Variants in TNRC18 observed in about 807,000 individuals in gnomAD.
TNRC18 encodes trinucleotide repeat-containing gene 18 protein.
TNRC18 carries 69 observed loss-of-function variants against 226.7 expected under a neutral mutation model. That is an observed-to-expected ratio of 0.30 (90% CI 0.25 to 0.37). The LOEUF (loss-of-function observed/expected upper bound fraction) is 0.37, where lower values mean the gene tolerates loss of function less well. Among genes scored for constraint, TNRC18 ranks in the 10% least tolerant of loss-of-function variants. TNRC18 has a pLI of 1.00. For missense variants in TNRC18, 4,754 were observed against 4,256.6 expected (o/e 1.12, Z -3.25); for synonymous variants, 2,449 against 1,927.6 (o/e 1.27, Z -7.09).
chr7:5,306,980 G>A lies in TNRC18; in HGVS notation c.*1126C>T, dbSNP rs902407367. 3.3e-5 allele frequency: 5 copies of A among 151,432 alleles called. No homozygotes were observed. The highest frequency in any genetic ancestry group is 1.2e-4 in the African/African-American group (5 of 41,320). 9.4% of individuals were successfully genotyped at this position (151,432 alleles called of 1,614,324 possible). ...GGCCTTGGTTTCCCTTGAAGGCTTGGGGCCTGGTTAAGTGCTTTCTGGGGC... is the reference window on the plus strand; with the variant it reads ...GGCCTTGGTTTCCCTTGAAGGCTTGAGGCCTGGTTAAGTGCTTTCTGGGGC... On this transcript the variant is annotated 3_prime_UTR_variant, in exon 30 of 30. Transcript: ENST00000430969.
At chr7:5,363,868 AG>A (rs1793341701) in intron 11 of TNRC18, among the ~76,000 whole-genome samples, 2 of 149,798 alleles carry the variant, frequency 1.3e-5, no homozygotes, top group Admixed American at 6.7e-5. Context: ...TAAAAAAAAA[AG>A]ACAGCCCGCT....
intron 17 of TNRC18, among the ~76,000 whole-genome samples, chr7:5,350,878 C>T (rs1260475661): frequency 5.3e-5 from 8 of 152,170 alleles, no homozygotes; most frequent in Admixed American, 2.6e-4. Context: ...GAGCCGCTTT[C>T]GTATTGAATG....
At chr7:5,333,678 C>T (rs1252974851) in intron 18 of TNRC18, among the ~76,000 whole-genome samples, 1 of 152,090 alleles carries the variant, frequency 6.6e-6, no homozygotes, top group Non-Finnish European at 1.5e-5. Flanking sequence ...ACCCAGCACT[C>T]GCCCAGCACC....
chr7:5,419,395 T>G (rs752857782), intron 2 of TNRC18, among the ~76,000 whole-genome samples: 64 of 152,022 alleles, frequency 4.2e-4, no homozygotes, highest in Non-Finnish European at 7.5e-4. Flanking sequence ...GGGTACCGAT[T>G]CCCAGGCTTG....
Position 5,345,751 on chromosome 7 carries a change from C to T in TNRC18, c.5530G>A (p.Gly1844Ser), listed in dbSNP as rs1047541720. 65 of 1,548,478 alleles carry T rather than the reference C, an allele frequency of 4.2e-5. No homozygotes were observed. In the African/African-American group the frequency reaches 5.6e-4, roughly 13 times the overall value. The change falls in exon 18 of 30, where the codon GGT (glycine) becomes AGT (serine). Residue 1844 changes from glycine (G) to serine (S), a missense_variant. Gly to Ser is a moderately conservative substitution (Grantham distance 56, BLOSUM62 0). Coordinates refer to ENST00000430969, the MANE Select transcript of TNRC18 (RefSeq NM_001080495.3). ...EELEEEDEAS[G>S]GGYRLGARER... ...CGGGCACCCAGCCTGTAGCCACCAC[C>T]GCTGGCCTCGTCCTCCTCCTCGAGC...
chr7:5,413,089 C>T (rs570604135), intron 2 of TNRC18, among the ~76,000 whole-genome samples: 69 of 152,296 alleles, frequency 4.5e-4, no homozygotes, highest in Admixed American at 1.0e-3. Context: ...CCTGGGGAGG[C>T]CCGAGACCTG....
At chr7:5,350,228 G>A (rs1791644916) in intron 17 of TNRC18, among the ~76,000 whole-genome samples, 1 of 152,102 alleles carries the variant, frequency 6.6e-6, no homozygotes, top group Admixed American at 6.5e-5. Flanking sequence ...AGGCTGGCCA[G>A]TGGGTCGGGG....
At chr7:5,402,093 G>A (rs1376654489) in intron 2 of TNRC18, among the ~76,000 whole-genome samples, 7 of 150,602 alleles carry the variant, frequency 4.6e-5, no homozygotes, top group Admixed American at 4.0e-4. Context: ...GCAGGAGAAC[G>A]GCATGAACCC....
At chr7:5,321,300 G>A (rs997855287) in intron 21 of TNRC18, 110 bp from the exon 22 acceptor site, 2 of 777,890 alleles carry the variant, frequency 2.6e-6, no homozygotes, top group African/African-American at 3.4e-5. Flanking sequence ...CCTGGTACCG[G>A]GTGGGCCTGT....
chr7:5,313,517 G>A lies in TNRC18; in HGVS notation c.7374C>T (p.Ala2458=), dbSNP rs528299829. Residue 2458 remains alanine (A), a synonymous_variant, in exon 27 of 30, where the codon GCC becomes GCT. Coordinates refer to ENST00000430969, the MANE Select transcript of TNRC18 (RefSeq NM_001080495.3). ...CGTGGTCCAGTTTGACAAGCAGCTC[G>A]GCCTCCTCCCCCGGCCTCCGAGGGC... ...AKGPRRPGEE[A]ELLVKLDHEG... The A allele has an allele frequency of 4.6e-5, 74 of 1,612,924 alleles. 1 individual carries two copies. The highest frequency in any genetic ancestry group is 2.7e-4 in the Admixed American group (16 of 59,962).
chr7:5,402,178 CAAA>C lies in TNRC18; in HGVS notation c.188-7586_188-7584del, dbSNP rs35794476. 7.0e-3 allele frequency among the ~76,000 whole-genome samples: 500 copies of C among 71,314 alleles called. 4 individuals are homozygous for C. The highest frequency in any genetic ancestry group is 0.018 in the African/African-American group (288 of 15,906). 46.8% of individuals were successfully genotyped at this position (71,314 alleles called of 152,430 possible). ...TGGGCAACACAGCGAGACTCTGTCT[CAAA>C]AAAAAAAAAAAAAAAAAAAAGAACA... On this transcript the variant is annotated intron_variant, in intron 2 of 29. Transcript: ENST00000430969.
At chr7:5,337,644 T>C (rs567294129) in intron 18 of TNRC18, among the ~76,000 whole-genome samples, 31 of 152,254 alleles carry the variant, frequency 2.0e-4, no homozygotes, top group Non-Finnish European at 3.4e-4. Context: ...CAAAAGACTT[T>C]GTTCACTTTT....
intron 18 of TNRC18, among the ~76,000 whole-genome samples, chr7:5,340,949 T>G (rs1379488387): frequency 6.6e-6 from 1 of 152,122 alleles, no homozygotes; most frequent in Non-Finnish European, 1.5e-5. Flanking sequence ...CTATCATAGC[T>G]AGAGAGGAGA....
At chr7:5,416,723 G>A (rs190811270) in intron 2 of TNRC18, among the ~76,000 whole-genome samples, 44 of 151,482 alleles carry the variant, frequency 2.9e-4, no homozygotes, top group African/African-American at 6.8e-4. Flanking sequence ...TGGGTGTCGC[G>A]GCACACACCT....
At chr7:5,320,711 C>T (rs1166250263) in intron 22 of TNRC18, 104 bp from the exon 23 acceptor site, 3 of 947,378 alleles carry the variant, frequency 3.2e-6, no homozygotes, top group Admixed American at 2.5e-5. Context: ...GGAGGTAACA[C>T]CAGGACTCAG....
intron 19 of TNRC18, among the ~76,000 whole-genome samples, chr7:5,328,166 T>C (rs1789129906): frequency 6.6e-6 from 1 of 151,956 alleles, no homozygotes; most frequent in African/African-American, 2.4e-5. Context: ...TGCAGTGAGC[T>C]GAGGTTGCAC....
intron 3 of TNRC18, among the ~76,000 whole-genome samples, chr7:5,392,810 C>T (rs549948446): frequency 6.6e-6 from 1 of 152,200 alleles, no homozygotes; most frequent in Admixed American, 6.5e-5. Flanking sequence ...CAGTTCAAGA[C>T]CAGCCTGGGA....
chr7:5,328,932 G>C (rs1323470525), intron 19 of TNRC18, among the ~76,000 whole-genome samples: 2 of 152,288 alleles, frequency 1.3e-5, no homozygotes, highest in East Asian at 3.9e-4. Flanking sequence ...TGAGGCTGCA[G>C]TCAGCTACAA....
chr7:5,365,096 C>G (rs1793485723), intron 11 of TNRC18, among the ~76,000 whole-genome samples: 2 of 152,064 alleles, frequency 1.3e-5, no homozygotes, highest in African/African-American at 4.8e-5. Context: ...TAAGTCATCT[C>G]CCATTGATGG....
Sources: gnomAD v4.1 joint callset for allele counts (sites outside exome capture counted in the v4.1 genomes callset) on GRCh38, gnomAD v4.1.1 for gene constraint, MANE v1.5 for transcripts, NCBI Gene and HGNC (gene_info 2026-07-23, HGNC 2026-07-21) for gene names.